The following SLC26A7 variants were observed in gnomAD, a reference collection of about 807,000 sequenced individuals.
SLC26A7 encodes the protein solute carrier family 26 member 7.
In SLC26A7, 59 loss-of-function variants were observed where a neutral mutation model predicts 82.5. The ratio of observed to expected loss-of-function variants is 0.72; its 90% confidence interval spans 0.58 to 0.89. The LOEUF is 0.89. SLC26A7 is among the 40% of genes least tolerant of loss of function. The pLI is 0.00. For missense variants in SLC26A7, 820 were observed against 793.0 expected, an observed-to-expected ratio of 1.03 and a Z score of -0.41; for synonymous variants, 271 against 274.3, an observed-to-expected ratio of 0.99 and a Z score of 0.12.
chr8:91,276,043 C>G (rs1811397554), intron 2 of SLC26A7, among the ~76,000 whole-genome samples: 2 of 152,126 alleles, frequency 1.3e-5, no homozygotes, highest in Non-Finnish European at 2.9e-5. Flanking sequence ...AGCATGATGG[C>G]TGTATATAAT....
rs185510687 is a variant in SLC26A7, at chr8:91,292,284, C to T, written c.304+3038C>T. Among the ~76,000 whole-genome samples, 208 of 145,178 alleles carry T rather than the reference C, an allele frequency of 1.4e-3. 2 individuals carry two copies. Among genetic ancestry groups the T allele is most frequent in the African/African-American group, 5.2e-3 (204 of 38,860 alleles). On this transcript the variant is annotated intron_variant, in intron 3 of 18. Coordinates refer to ENST00000276609, the MANE Select transcript of SLC26A7 (RefSeq NM_052832.4). ...TGGCGCCACTGCACTCCAGCCTGGG[C>T]GAGAGTGCGAGACTCTGTCTCAAAA...
At chr8:91,224,860 A>G (rs1400797784) in intron 2 of SLC26A7, among the ~76,000 whole-genome samples, 1 of 152,164 alleles carries the variant, frequency 6.6e-6, no homozygotes, top group East Asian at 1.9e-4. Flanking sequence ...GGAGATCTGA[A>G]TTCTGTCCCT....
intron 18 of SLC26A7, chr8:91,394,537 C>T (rs1808513052): frequency 3.9e-6 from 5 of 1,288,256 alleles, no homozygotes; most frequent in Non-Finnish European, 4.9e-6. Context: ...TTTAGTTTTA[C>T]AACTGTTCTT....
chr8:91,384,585 T>G (rs907247570), intron 15 of SLC26A7, among the ~76,000 whole-genome samples: 8 of 152,206 alleles, frequency 5.3e-5, no homozygotes, highest in Admixed American at 5.2e-4. Flanking sequence ...TAGCATTTTC[T>G]GCCCATCTCC....
chr8:91,252,916 T>C (rs1019008493), intron 2 of SLC26A7, among the ~76,000 whole-genome samples: 3 of 152,038 alleles, frequency 2.0e-5, no homozygotes, highest in African/African-American at 7.3e-5. Context: ...TTGGAAGCTA[T>C]GTATTGGAGG....
intron 5 of SLC26A7, among the ~76,000 whole-genome samples, chr8:91,319,578 G>C (rs1037611864): frequency 6.6e-6 from 1 of 152,198 alleles, no homozygotes; most frequent in African/African-American, 2.4e-5. Flanking sequence ...AAGAACACTG[G>C]AACTGGGCCT....
Position 91,346,955 on chromosome 8 carries a change from C to T in SLC26A7, c.1140+3489C>T, listed in dbSNP as rs181452364. On this transcript the variant is annotated intron_variant, in intron 9 of 18. Coordinates refer to ENST00000276609, the MANE Select transcript of SLC26A7 (RefSeq NM_052832.4). ...GGTCTGTCATGTTCCTCTTTGTCAG[C>T]GTCCTTAGTGCTATTTGACATTAAA... is the stretch of plus-strand genomic sequence containing the variant. 7.9e-5 allele frequency among the ~76,000 whole-genome samples: 12 copies of T among 152,250 alleles called. No individual in the cohort carries two copies. In the East Asian group the frequency reaches 9.7e-4, roughly 12 times the overall value.
At chr8:91,352,129 G>C (rs1813733991) in intron 10 of SLC26A7, among the ~76,000 whole-genome samples, 1 of 151,988 alleles carries the variant, frequency 6.6e-6, no homozygotes, top group African/African-American at 2.4e-5. Flanking sequence ...TGTGGAACTA[G>C]ATTCATTCTG....
chr8:91,367,866 C>T (rs1456813132), intron 14 of SLC26A7, among the ~76,000 whole-genome samples: 1 of 152,100 alleles, frequency 6.6e-6, no homozygotes, highest in Admixed American at 6.5e-5. Context: ...AGATCTTGAC[C>T]CTCCCATTTC....
chr8:91,272,364 G>A (rs541946409), intron 2 of SLC26A7, among the ~76,000 whole-genome samples: 1 of 152,220 alleles, frequency 6.6e-6, no homozygotes, highest in Non-Finnish European at 1.5e-5. Context: ...CTTAATAATA[G>A]ATGTTTGCAA....
Position 91,253,091 on chromosome 8 carries a change from A to C in SLC26A7, c.193+3247A>C, listed in dbSNP as rs73305625. ...CAGAACTATAATAATAACAACAGTA[A>C]TTTTTAGGCACAGATGCAAGCAGTA... On this transcript the variant is annotated intron_variant, in intron 2 of 18. Coordinates refer to ENST00000276609, the MANE Select transcript of SLC26A7 (RefSeq NM_052832.4). Among the ~76,000 whole-genome samples the C allele has an allele frequency of 2.3e-3, 352 of 152,248 alleles. 2 individuals are homozygous for C. Among genetic ancestry groups the C allele is most frequent in the African/African-American group, 8.1e-3 (337 of 41,550 alleles).
intron 2 of SLC26A7, among the ~76,000 whole-genome samples, chr8:91,220,389 A>T (rs1810140331): frequency 7.3e-6 from 1 of 136,720 alleles, no homozygotes; most frequent in South Asian, 2.3e-4. Flanking sequence ...TATTTCTTCT[A>T]AAAAAAAAAA....
At chr8:91,322,095 G>A (rs1409514371) in intron 5 of SLC26A7, among the ~76,000 whole-genome samples, 1 of 151,942 alleles carries the variant, frequency 6.6e-6, no homozygotes, top group African/African-American at 2.4e-5. Context: ...CCTCTATAGA[G>A]GACTCTTAAT....
At chr8:91,268,683 A>T (rs934770968) in intron 2 of SLC26A7, among the ~76,000 whole-genome samples, 6 of 151,808 alleles carry the variant, frequency 4.0e-5, no homozygotes, top group African/African-American at 1.2e-4. Context: ...TATTATTGAT[A>T]GGTAAGGATT....
chr8:91,295,767 GT>G, intron 4 of SLC26A7, 64 bp downstream of exon 4: 1 of 1,488,344 alleles, frequency 6.7e-7, no homozygotes, highest in South Asian at 1.3e-5. Flanking sequence ...GGCAGCTGGT[GT>G]TTTATTTTTA....
chr8:91,349,079 T>G (rs149938766), intron 9 of SLC26A7, among the ~76,000 whole-genome samples: 2 of 152,294 alleles, frequency 1.3e-5, no homozygotes, highest in East Asian at 3.9e-4. Context: ...AATACCAGTA[T>G]TTTGAGAGCT....
At chr8:91,288,993 G>A in intron 2 of SLC26A7, 143 bp from the exon 3 acceptor site, 2 of 551,594 alleles carry the variant, frequency 3.6e-6, no homozygotes, top group African/African-American at 1.9e-5. Flanking sequence ...TTTATTTAGG[G>A]CAATAATGCT....
At chr8:91,220,105 C>A (rs11991531) in intron 2 of SLC26A7, among the ~76,000 whole-genome samples, 3,583 of 152,056 alleles carry the variant, frequency 0.024, 149 homozygotes, top group African/African-American at 0.08. Flanking sequence ...ATCAATGGAG[C>A]ACAGCAAAGA....
intron 12 of SLC26A7, among the ~76,000 whole-genome samples, chr8:91,362,756 T>G (rs1311124906): frequency 6.6e-6 from 1 of 152,026 alleles, no homozygotes; most frequent in Non-Finnish European, 1.5e-5. Flanking sequence ...CAGAGAGAGA[T>G]TTCTTTAAAT....
Sources: allele counts gnomAD v4.1 joint callset (sites outside exome capture counted in the v4.1 genomes callset), GRCh38; gene constraint gnomAD v4.1.1; transcripts MANE v1.5; gene names NCBI Gene and HGNC (gene_info 2026-07-23, HGNC 2026-07-21).